The following KDM4B variants were observed in gnomAD, a reference collection of about 807,000 sequenced individuals.
KDM4B encodes lysine demethylase 4B, also known as lysine-specific demethylase 4B.
KDM4B carries 32 observed loss-of-function variants against 125.2 expected under a neutral mutation model. That is an observed-to-expected ratio of 0.26 (90% confidence interval 0.19 to 0.34). The LOEUF is 0.34. Among genes scored for constraint, KDM4B ranks in the 10% least tolerant of loss-of-function variants. KDM4B has a pLI of 1.00. For missense variants in KDM4B, 1,190 were observed against 1,577.7 expected, an observed-to-expected ratio of 0.75 and a Z score of 4.16; for synonymous variants, 721 against 677.9, an observed-to-expected ratio of 1.06 and a Z score of -0.99.
chr19:5,142,735 G>A lies in KDM4B; in HGVS notation c.2551-1232G>A, dbSNP rs549638995. Among the ~76,000 whole-genome samples the A allele has an allele frequency of 1.3e-5, 2 of 152,210 alleles. 1 individual carries two copies. Among genetic ancestry groups the A allele is most frequent in the South Asian group, 4.2e-4 (2 of 4,812 alleles). ...GAGGGGGAGGCCGTGCTGGAGTGAT[G>A]CCTGGCGCGTGTTGTGTGATGGGAG... On this transcript the variant is annotated intron_variant, in intron 18 of 22. Transcript: ENST00000159111. The surrounding 1 kb of genome is among the most constrained non-coding windows in gnomAD (Gnocchi z 5.4).
At chr19:5,080,307 T>C (rs1024253534) in intron 8 of KDM4B, among the ~76,000 whole-genome samples, 2 of 152,200 alleles carry the variant, frequency 1.3e-5, no homozygotes, top group Admixed American at 6.5e-5. Flanking sequence ...CTTCAGTGTA[T>C]CCAGCAATCT....
intron 11 of KDM4B, among the ~76,000 whole-genome samples, chr19:5,130,568 C>G (rs1356096850): frequency 1.3e-5 from 2 of 152,368 alleles, no homozygotes; most frequent in East Asian, 3.9e-4. Flanking sequence ...GTGCGTTGTT[C>G]AAGGTTTTAC....
chr19:5,135,252 G>C (rs896579697), intron 14 of KDM4B, 87 bp from the exon 15 acceptor site: 11 of 864,414 alleles, frequency 1.3e-5, no homozygotes, highest in Non-Finnish European at 2.0e-5. Context: ...TCGAAGCCTG[G>C]GGCAGGTGCC....
At chr19:5,031,174 G>A (rs560557654) in intron 2 of KDM4B, among the ~76,000 whole-genome samples, 3 of 152,234 alleles carry the variant, frequency 2.0e-5, no homozygotes, top group Non-Finnish European at 4.4e-5. Context: ...GCGTTGGGGG[G>A]ATCCTGGGGC....
intron 1 of KDM4B, among the ~76,000 whole-genome samples, chr19:4,976,617 G>A (rs562945896): frequency 6.6e-6 from 1 of 152,378 alleles, no homozygotes; most frequent in South Asian, 2.1e-4. Context: ...CGTTACCAGT[G>A]CTAGCGCCCC....
chr19:5,030,684 A>G (rs1231667143), intron 2 of KDM4B, among the ~76,000 whole-genome samples: 2 of 152,238 alleles, frequency 1.3e-5, no homozygotes, highest in Admixed American at 6.5e-5. Context: ...GTGCCCTGGC[A>G]TAGCATGCAG....
chr19:5,068,197 T>G (rs1431959413), intron 6 of KDM4B, among the ~76,000 whole-genome samples: 1 of 151,934 alleles, frequency 6.6e-6, no homozygotes, highest in Non-Finnish European at 1.5e-5. Flanking sequence ...CTTCGCTCTT[T>G]GGGGGCCTGG....
At position 5,141,319 on chromosome 19, in the gene KDM4B, C is replaced by T. The variant is rs1483489598; in HGVS notation, c.2551-2648C>T. 6.6e-6 allele frequency: 1 copy of T among 152,154 alleles called. No homozygotes were observed. Among genetic ancestry groups the T allele is most frequent in the Admixed American group, 6.5e-5 (1 of 15,284 alleles). The allele number at this position is 152,154 out of a possible 1,614,324, so 9.4% of individuals were successfully genotyped here. On this transcript the variant is annotated intron_variant, in intron 18 of 22. Transcript: ENST00000159111. The surrounding 1 kb of genome is among the most constrained non-coding windows in gnomAD (Gnocchi z 6.4). ...CAGCCCGCGGGTGATGCTTCCGAGGCACCAGTGACTCAGTCCACAAACGTG... is the reference window on the plus strand; with the variant it reads ...CAGCCCGCGGGTGATGCTTCCGAGGTACCAGTGACTCAGTCCACAAACGTG...
rs1390154951 is a variant in KDM4B, at chr19:5,020,179, GTTGGTGTGCAGGTGTTGGTGTGGATA to G, written c.-26+3857_-26+3882del. ...TGTTGGTGTGGATGTTGGTGTGGGT[GTTGGTGTGCAGGTGTTGGTGTGGATA>G]TTGGTGTGCAGGTGTTAGTGTGCAG... On this transcript the variant is annotated intron_variant, in intron 2 of 22. Transcript: ENST00000159111. Among the ~76,000 whole-genome samples the G allele has an allele frequency of 4.5e-4, 63 of 138,630 alleles. 1 individual carries two copies. The South Asian group carries it at 6.9e-3, about 15-fold the overall frequency. The allele number at this position is 138,630 out of a possible 152,430, so 90.9% of individuals were successfully genotyped here.
intron 12 of KDM4B, 94 bp downstream of exon 12, chr19:5,131,639 GGGAGGGGGCAGGGA>G: frequency 1.6e-6 from 1 of 626,782 alleles, no homozygotes. Flanking sequence ...CTGGTGGCGG[GGGAGGGGGCAGGGA>G]GGAGGGGACA....
At chr19:5,054,254 A>G (rs896768848) in intron 6 of KDM4B, among the ~76,000 whole-genome samples, 1 of 151,934 alleles carries the variant, frequency 6.6e-6, no homozygotes, top group Non-Finnish European at 1.5e-5. Flanking sequence ...CAAATTTTTA[A>G]ATTTTTTGTA....
rs2037064539 is a variant in KDM4B at position 5,047,479 on chromosome 19, G to A, written c.436G>A (p.Val146Met). 5 of 1,606,218 alleles carry A rather than the reference G, an allele frequency of 3.1e-6. No homozygotes were observed. The highest frequency in any genetic ancestry group is 1.1e-5 in the South Asian group (1 of 90,490). Residue 146 changes from valine (V) to methionine (M), a missense_variant, in exon 6 of 23, where the codon GTG (valine) becomes ATG (methionine). This residue lies in a region of KDM4B where 139 missense variants were observed against 248.3 expected (regional missense o/e 0.56). Coordinates refer to ENST00000159111, the MANE Select transcript of KDM4B (RefSeq NM_015015.3). The part of the protein sequence containing the change: ...DISGSLYDDD[V>M]AQWNIGSLRT... Reference sequence around the variant, plus strand: ...ACGCTGCTCTGCCGCCCCACAGGACGTGGCCCAGTGGAACATCGGGAGCCT... The same window carrying A: ...ACGCTGCTCTGCCGCCCCACAGGACATGGCCCAGTGGAACATCGGGAGCCT...
intron 2 of KDM4B, among the ~76,000 whole-genome samples, chr19:5,025,381 A>G (rs2036247300): frequency 6.6e-6 from 1 of 152,196 alleles, no homozygotes; most frequent in Non-Finnish European, 1.5e-5. Flanking sequence ...TGCTAAAACC[A>G]TGGAGAGTCT....
At chr19:5,120,620 C>T (rs1238789148) in intron 11 of KDM4B, among the ~76,000 whole-genome samples, 1 of 152,228 alleles carries the variant, frequency 6.6e-6, no homozygotes, top group Non-Finnish European at 1.5e-5. Context: ...GTGGAACTCC[C>T]ACCTGTGAGT....
chr19:5,000,047 C>T (rs2035329767), intron 1 of KDM4B, among the ~76,000 whole-genome samples: 1 of 136,978 alleles, frequency 7.3e-6, no homozygotes, highest in South Asian at 2.6e-4. Context: ...CCACCAATCC[C>T]ATTTACTCAC....
chr19:5,142,083 C>G lies in KDM4B; in HGVS notation c.2551-1884C>G, dbSNP rs1383000821. Among the ~76,000 whole-genome samples, 1 of 152,190 alleles carries G rather than the reference C, an allele frequency of 6.6e-6. No homozygotes were observed. Among genetic ancestry groups the G allele is most frequent in the Non-Finnish European group, 1.5e-5 (1 of 68,026 alleles). On this transcript the variant is annotated intron_variant, in intron 18 of 22. Transcript: ENST00000159111. This position sits in a 1 kb window ranked among gnomAD's most constrained non-coding sequence, Gnocchi z 5.4. ...TTCATGGGTGGTACCTAGCGGTGAC[C>G]ACCTGCTTCCTCCAGGCCGTGGTGC...
At chr19:5,101,164 G>T (rs2038923687) in intron 9 of KDM4B, among the ~76,000 whole-genome samples, 1 of 147,540 alleles carries the variant, frequency 6.8e-6, no homozygotes, top group Non-Finnish European at 1.5e-5. Flanking sequence ...AGAAGTTGCA[G>T]TGAACCGAGG....
At chr19:4,987,240 G>A (rs1222735415) in intron 1 of KDM4B, among the ~76,000 whole-genome samples, 2 of 152,240 alleles carry the variant, frequency 1.3e-5, no homozygotes, top group Non-Finnish European at 2.9e-5. Context: ...AAAGAGGAAA[G>A]AAACACAAAA....
intron 9 of KDM4B, among the ~76,000 whole-genome samples, chr19:5,083,839 G>A (rs2038383149): frequency 2.0e-5 from 3 of 152,214 alleles, no homozygotes; most frequent in Admixed American, 2.0e-4. Flanking sequence ...AGTTCCTCCA[G>A]AGCCGGGGTC....
Sources: gnomAD v4.1 joint callset for allele counts (sites outside exome capture counted in the v4.1 genomes callset) on GRCh38, gnomAD v4.1.1 for gene constraint, gnomAD v4.1.1 regional missense constraint, Gnocchi (gnomAD v3.1) non-coding constraint, MANE v1.5 for transcripts, NCBI Gene and HGNC (gene_info 2026-07-23, HGNC 2026-07-21) for gene names.